Variants in SMYD3 observed in about 807,000 individuals in gnomAD.
The protein encoded by SMYD3 is histone-lysine N-methyltransferase SMYD3.
In SMYD3, 36 loss-of-function variants were observed where a neutral mutation model predicts 57.7. The ratio of observed to expected loss-of-function variants is 0.62; its 90% confidence interval spans 0.48 to 0.82. SMYD3 has a LOEUF of 0.82. Among genes scored for constraint, SMYD3 ranks in the 40% least tolerant of loss-of-function variants. The pLI is 0.00. For missense variants in SMYD3, 515 were observed against 538.8 expected (o/e 0.96, Z 0.44); for synonymous variants, 211 against 195.0 (o/e 1.08, Z -0.68).
chr1:245,893,541 G>A (rs1157012300), intron 8 of SMYD3, among the ~76,000 whole-genome samples: 2 of 152,066 alleles, frequency 1.3e-5, no homozygotes, highest in Non-Finnish European at 2.9e-5. Context: ...ACCAACTATT[G>A]AGGTTATATA....
intron 9 of SMYD3, among the ~76,000 whole-genome samples, chr1:245,860,661 G>A (rs1418117973): frequency 2.0e-5 from 3 of 152,286 alleles, no homozygotes; most frequent in African/African-American, 4.8e-5. Context: ...GAAGAAAAGC[G>A]AGTGCATGAT....
At chr1:246,033,617 T>C (rs548172164) in intron 5 of SMYD3, among the ~76,000 whole-genome samples, 5 of 152,148 alleles carry the variant, frequency 3.3e-5, no homozygotes, top group East Asian at 1.9e-4. Flanking sequence ...TGAAACCCCA[T>C]CTCCATTAAA....
intron 7 of SMYD3, among the ~76,000 whole-genome samples, chr1:245,920,060 TC>T (rs1200354754): frequency 4.0e-5 from 6 of 151,764 alleles, no homozygotes; most frequent in African/African-American, 7.3e-5. Flanking sequence ...ACGCCTGTAA[TC>T]CCAGCACTTT....
intron 5 of SMYD3, among the ~76,000 whole-genome samples, chr1:246,275,692 G>C (rs993985270): frequency 6.6e-6 from 1 of 150,448 alleles, no homozygotes; most frequent in South Asian, 2.1e-4. Flanking sequence ...TACTAACTCT[G>C]TTTTTTACTA....
At chr1:246,112,436 T>G (rs1890333) in intron 5 of SMYD3, among the ~76,000 whole-genome samples, 24,807 of 152,228 alleles carry the variant, frequency 0.16, 3,615 homozygotes, top group African/African-American at 0.39. Flanking sequence ...ATATTTGGAT[T>G]ACTTTATTTG....
intron 1 of SMYD3, among the ~76,000 whole-genome samples, chr1:246,466,603 T>C (rs567590277): frequency 3.9e-5 from 6 of 152,310 alleles, no homozygotes; most frequent in Non-Finnish European, 8.8e-5. Context: ...GATGACAAAA[T>C]AATCTATACA....
At chr1:246,333,655 C>G (rs2065496193) in intron 3 of SMYD3, among the ~76,000 whole-genome samples, 1 of 152,018 alleles carries the variant, frequency 6.6e-6, no homozygotes. Context: ...GGGAGAATTT[C>G]TTGAGCCCAG....
chr1:246,479,282 C>T (rs1046371714), intron 1 of SMYD3, among the ~76,000 whole-genome samples: 2 of 152,210 alleles, frequency 1.3e-5, no homozygotes, highest in African/African-American at 2.4e-5. Context: ...GGTTCCAGAT[C>T]CAGCTCTGTC....
chr1:245,845,772 T>A (rs757403460), intron 10 of SMYD3, among the ~76,000 whole-genome samples: 3 of 152,262 alleles, frequency 2.0e-5, no homozygotes, highest in Admixed American at 6.5e-5. Flanking sequence ...GTCTTTTTAT[T>A]GGATTCTCTT....
chr1:246,384,599 G>C (rs1301216693), intron 1 of SMYD3, among the ~76,000 whole-genome samples: 1 of 152,118 alleles, frequency 6.6e-6, no homozygotes, highest in African/African-American at 2.4e-5. Flanking sequence ...GTTTCACCAT[G>C]TTGGCCAGGC....
intron 1 of SMYD3, among the ~76,000 whole-genome samples, chr1:246,379,113 C>CACACACACACAT (rs143967247): frequency 1.0e-4 from 14 of 139,966 alleles, no homozygotes; most frequent in South Asian, 2.2e-4. Context: ...CACACACACA[C>CACACACACACAT]ATATATTCCA....
intron 5 of SMYD3, among the ~76,000 whole-genome samples, chr1:246,021,386 G>A (rs1010259863): frequency 6.6e-6 from 1 of 152,160 alleles, no homozygotes. Context: ...GGTATATTCT[G>A]ATTCCTGATC....
intron 10 of SMYD3, among the ~76,000 whole-genome samples, chr1:245,847,956 C>A (rs2050748480): frequency 6.6e-6 from 1 of 152,186 alleles, no homozygotes; most frequent in Admixed American, 6.5e-5. Flanking sequence ...TTCAGGTGAC[C>A]TAGCCCCATA....
intron 5 of SMYD3, among the ~76,000 whole-genome samples, chr1:246,105,941 C>T (rs1308170878): frequency 2.0e-5 from 3 of 152,210 alleles, no homozygotes; most frequent in Non-Finnish European, 4.4e-5. Context: ...TAATTTCAGC[C>T]TCATGAGCCC....
intron 1 of SMYD3, among the ~76,000 whole-genome samples, chr1:246,383,916 A>G (rs1240000183): frequency 6.6e-6 from 1 of 152,252 alleles, no homozygotes; most frequent in Non-Finnish European, 1.5e-5. Context: ...ATGAAGAGGA[A>G]GTGCAAGATA....
intron 5 of SMYD3, among the ~76,000 whole-genome samples, chr1:246,253,167 T>C (rs992559808): frequency 2.0e-5 from 3 of 152,154 alleles, no homozygotes; most frequent in Non-Finnish European, 4.4e-5. Context: ...CGCAGGTTTG[T>C]TACCAGGGTA....
chr1:245,839,570 G>A (rs533951450), intron 10 of SMYD3, among the ~76,000 whole-genome samples: 2 of 152,090 alleles, frequency 1.3e-5, no homozygotes, highest in Non-Finnish European at 2.9e-5. Context: ...CAGCCAAGGA[G>A]CATAGTTTTC....
chr1:245,792,712 T>C (rs887313598), intron 10 of SMYD3, among the ~76,000 whole-genome samples: 9 of 152,170 alleles, frequency 5.9e-5, no homozygotes, highest in East Asian at 1.9e-4. Context: ...CGCTAACATA[T>C]AGCTTCTTTA....
At chr1:246,324,171 T>C (rs896320726) in intron 5 of SMYD3, among the ~76,000 whole-genome samples, 1 of 152,026 alleles carries the variant, frequency 6.6e-6, no homozygotes, top group African/African-American at 2.4e-5. Flanking sequence ...TCCCAGCACG[T>C]TGGGAGGCCA....
Sources: gnomAD v4.1 joint callset for allele counts (sites outside exome capture counted in the v4.1 genomes callset) on GRCh38, gnomAD v4.1.1 for gene constraint, MANE v1.5 for transcripts, NCBI Gene and HGNC (gene_info 2026-07-23, HGNC 2026-07-21) for gene names.